Variants in KLHL13 observed in about 807,000 individuals in gnomAD.
KLHL13 encodes the protein kelch-like protein 13.
KLHL13 carries 10 observed loss-of-function variants against 37.1 expected under a neutral mutation model. That is an observed-to-expected ratio of 0.27 (90% confidence interval 0.17 to 0.46). The LOEUF (loss-of-function observed/expected upper bound fraction) is 0.46. KLHL13 is among the 20% of genes least tolerant of loss of function. The probability of loss-of-function intolerance (pLI) is 1.00; values close to 1 mark genes in which losing one functional copy is unlikely to be tolerated. For synonymous variants in KLHL13, 163 were observed against 181.2 expected (o/e 0.90, Z 0.81); for missense variants, 360 against 509.3 (o/e 0.71, Z 2.82).
chrX:117,935,683 C>T (rs1205218109), intron 2 of KLHL13, among the ~76,000 whole-genome samples: 1 of 110,842 alleles, frequency 9.0e-6, no homozygotes, highest in Admixed American at 9.7e-5. Context: ...CTCTTGAGAA[C>T]TCACTCACTA....
At chrX:117,933,958 A>G (rs1932621407) in intron 2 of KLHL13, among the ~76,000 whole-genome samples, 1 of 111,231 alleles carries the variant, frequency 9.0e-6, no homozygotes, top group African/African-American at 3.3e-5. Flanking sequence ...ACAGCCATAA[A>G]AAACAATGAA....
chrX:117,945,446 A>C, exon 2 of KLHL13: 2 of 1,210,751 alleles, frequency 1.7e-6, no homozygotes, highest in Non-Finnish European at 2.2e-6. Flanking sequence ...GTAACACCAC[A>C]GAACTGTGGG....
At chrX:118,094,986 C>T (rs1318690295) in intron 1 of KLHL13, among the ~76,000 whole-genome samples, 7 of 111,248 alleles carry the variant, frequency 6.3e-5, no homozygotes, top group South Asian at 7.7e-4. Flanking sequence ...CATCTACTAA[C>T]GAGCAAAATA....
intron 1 of KLHL13, among the ~76,000 whole-genome samples, chrX:118,104,616 C>A (rs1415769540): frequency 8.9e-6 from 1 of 111,740 alleles, no homozygotes; most frequent in Non-Finnish European, 1.9e-5. Context: ...AAATTAAATT[C>A]AAAGGAGGAG....
intron 1 of KLHL13, among the ~76,000 whole-genome samples, chrX:118,050,812 A>G (rs907480978): frequency 8.9e-6 from 1 of 112,026 alleles, no homozygotes; most frequent in Non-Finnish European, 1.9e-5. Context: ...TATGAGCAAG[A>G]CAGCATAAAA....
chrX:118,061,817 G>T (rs1382705589), intron 1 of KLHL13, among the ~76,000 whole-genome samples: 1 of 111,231 alleles, frequency 9.0e-6, no homozygotes, highest in Non-Finnish European at 1.9e-5. Flanking sequence ...ATTTTGAAGA[G>T]CAAATTTTTT....
intron 1 of KLHL13, among the ~76,000 whole-genome samples, chrX:118,106,159 A>C (rs2148184337): frequency 9.3e-6 from 1 of 107,919 alleles, no homozygotes; most frequent in South Asian, 4.2e-4. Context: ...GGCCTCCCAA[A>C]GTGCTGGGAT....
intron 1 of KLHL13, among the ~76,000 whole-genome samples, chrX:117,998,218 C>G (rs144729454): frequency 1.8e-5 from 2 of 111,941 alleles, no homozygotes; most frequent in East Asian, 5.7e-4. Flanking sequence ...GATTTTGAGA[C>G]ATTTCCCTAA....
chrX:117,985,482 T>C, intron 1 of KLHL13: 1 of 414,026 alleles, frequency 2.4e-6, no homozygotes, highest in Non-Finnish European at 3.0e-6. Context: ...ACTGCATACC[T>C]TCCCTTGATA....
chrX:118,010,608 G>A (rs1373012835), intron 1 of KLHL13, among the ~76,000 whole-genome samples: 1 of 65,951 alleles, frequency 1.5e-5, no homozygotes, highest in Non-Finnish European at 2.8e-5. Context: ...GGGGAGGGGG[G>A]AGGGATAGCA....
chrX:117,982,282 T>C (rs774927751), intron 1 of KLHL13, among the ~76,000 whole-genome samples: 3 of 111,448 alleles, frequency 2.7e-5, no homozygotes, highest in Non-Finnish European at 3.8e-5. Flanking sequence ...AACTGGGAGA[T>C]GTTATTAAAA....
At chrX:117,970,318 A>G (rs950860081) in intron 1 of KLHL13, among the ~76,000 whole-genome samples, 1 of 111,974 alleles carries the variant, frequency 8.9e-6, no homozygotes, top group African/African-American at 3.2e-5. Context: ...ATCTTATATC[A>G]CCTATGAAGA....
In KLHL13 at chrX:118,069,646, T is replaced by C. The variant is rs12395066; in HGVS notation, c.-56+46862A>G. Among the ~76,000 whole-genome samples, 376 of 111,304 alleles carry C rather than the reference T, an allele frequency of 3.4e-3. 4 individuals carry two copies. The highest frequency in any genetic ancestry group is 0.012 in the African/African-American group (360 of 30,721). ...ATGTACGGATATAAAAAAAGAATTT[T>C]TGTATAGCTGTGCAATATGTTTTTG... On this transcript the variant is annotated intron_variant, in intron 1 of 6. Transcript: ENST00000371882.
At chrX:118,019,708 T>C (rs1049325600) in intron 1 of KLHL13, among the ~76,000 whole-genome samples, 4 of 110,435 alleles carry the variant, frequency 3.6e-5, no homozygotes, top group Admixed American at 1.9e-4. Flanking sequence ...GCTTTCTACA[T>C]ATGGCTAGCC....
chrX:118,056,852 G>C (rs775943243), intron 1 of KLHL13, among the ~76,000 whole-genome samples: 2 of 111,850 alleles, frequency 1.8e-5, no homozygotes, highest in East Asian at 5.6e-4. Context: ...AGTTTGTTGT[G>C]AGGATATATG....
rs557594084 is a variant in KLHL13, at chrX:118,018,366, T to A, written c.-55-72791A>T. ...TTCATCATGCTTTTGCACGTGACAATGTTTAGTTCTTACCAATTACACCAT... is the reference window on the plus strand; with the variant it reads ...TTCATCATGCTTTTGCACGTGACAAAGTTTAGTTCTTACCAATTACACCAT... On this transcript the variant is annotated intron_variant, in intron 1 of 6. Transcript: ENST00000371882. Among the ~76,000 whole-genome samples, 59 of 111,873 alleles carry A rather than the reference T, an allele frequency of 5.3e-4. 1 individual carries two copies. Among genetic ancestry groups the A allele is most frequent in the African/African-American group, 1.9e-3 (58 of 30,917 alleles).
chrX:118,072,734 A>G (rs1012742346), intron 1 of KLHL13, among the ~76,000 whole-genome samples: 7 of 112,340 alleles, frequency 6.2e-5, no homozygotes, highest in Non-Finnish European at 1.3e-4. Flanking sequence ...GAAGCTATGC[A>G]ATAGATCCAC....
intron 1 of KLHL13, among the ~76,000 whole-genome samples, chrX:118,111,651 G>T (rs913201646): frequency 9.8e-5 from 11 of 112,493 alleles, no homozygotes; most frequent in Non-Finnish European, 1.7e-4. Flanking sequence ...CCAACACTTT[G>T]GGAGGCCGAG....
intron 1 of KLHL13, among the ~76,000 whole-genome samples, chrX:118,029,798 G>A (rs995955016): frequency 1.5e-4 from 16 of 109,965 alleles, no homozygotes; most frequent in Non-Finnish European, 2.7e-4. Flanking sequence ...ACAACACCCC[G>A]TCTCTATAAA....
Sources: allele counts gnomAD v4.1 joint callset (sites outside exome capture counted in the v4.1 genomes callset), GRCh38; gene constraint gnomAD v4.1.1; transcripts MANE v1.5; gene names NCBI Gene and HGNC (gene_info 2026-07-23, HGNC 2026-07-21).